Variants in ZNF169 observed in about 807,000 individuals in gnomAD.
ZNF169 encodes zinc finger protein 169.
Under a neutral mutation model 12.0 loss-of-function variants are expected in ZNF169, and 11 were observed. That is an observed-to-expected ratio of 0.92 (90% CI 0.58 to 1.52). ZNF169 has a LOEUF of 1.52. ZNF169 is among the 40% of genes most tolerant of loss of function. The pLI, the probability that ZNF169 is intolerant of heterozygous loss-of-function variation, is 0.00. For missense variants in ZNF169, 722 were observed against 744.0 expected, an observed-to-expected ratio of 0.97 and a Z score of 0.34; for synonymous variants, 302 against 286.5, an observed-to-expected ratio of 1.05 and a Z score of -0.55.
At chr9:94,299,530 G>GAGCAAA in intron 4 of ZNF169, 2 of 1,331,100 alleles carry the variant, frequency 1.5e-6, no homozygotes, top group Non-Finnish European at 1.9e-6. Flanking sequence ...GCTTGAGCTG[G>GAGCAAA]AGCAAAAGCA....
At chr9:94,290,234 A>G (rs1183024078) in intron 2 of ZNF169, among the ~76,000 whole-genome samples, 1 of 152,242 alleles carries the variant, frequency 6.6e-6, no homozygotes, top group African/African-American at 2.4e-5. Context: ...AAAAATCTGC[A>G]GCTAACATTC....
intron 4 of ZNF169, 197 bp from the exon 5 acceptor site, chr9:94,299,618 T>A (rs1323739869): frequency 5.1e-6 from 7 of 1,385,680 alleles, no homozygotes; most frequent in Admixed American, 3.2e-5. Flanking sequence ...CTGCCTGTGA[T>A]GCTTTTTTGA....
rs377199117 is a variant in ZNF169 at position 94,277,727 on chromosome 9, C to G, written c.-55-1031C>G. On this transcript the variant is annotated intron_variant, in intron 1 of 4. Transcript: ENST00000395395. ...CGGGCGGATCACGAGGTCAGGAGATCGAGACCATCCTGGCTAACACAGTGA... is the reference window on the plus strand; with the variant it reads ...CGGGCGGATCACGAGGTCAGGAGATGGAGACCATCCTGGCTAACACAGTGA... Among the ~76,000 whole-genome samples, 584 of 151,814 alleles carry G rather than the reference C, an allele frequency of 3.8e-3. 1 individual carries two copies. Among genetic ancestry groups the G allele is most frequent in the Non-Finnish European group, 6.3e-3 (427 of 67,880 alleles).
intron 1 of ZNF169, among the ~76,000 whole-genome samples, chr9:94,272,508 A>C (rs960460528): frequency 1.5e-4 from 23 of 152,098 alleles, no homozygotes; most frequent in African/African-American, 4.8e-4. Flanking sequence ...TAATTACTTT[A>C]GTATTCATAT....
chr9:94,296,338 T>C (rs1053999461), intron 4 of ZNF169, among the ~76,000 whole-genome samples: 1 of 152,240 alleles, frequency 6.6e-6, no homozygotes, highest in Non-Finnish European at 1.5e-5. Context: ...ATCTTAATAG[T>C]GCCTTTCAAA....
In ZNF169 at chr9:94,270,708, T is replaced by C. The variant is rs1413063743; in HGVS notation, c.-55-8050T>C. Reference sequence around the variant, plus strand: ...TATAAATATATAATTTATATAATTATATAATATATAATATTATATATTATA... The same window carrying C: ...TATAAATATATAATTTATATAATTACATAATATATAATATTATATATTATA... On this transcript the variant is annotated intron_variant, in intron 1 of 4. Coordinates refer to ENST00000395395, the MANE Select transcript of ZNF169 (RefSeq NM_194320.4). Among the ~76,000 whole-genome samples, 9 of 38,244 alleles carry C rather than the reference T, an allele frequency of 2.4e-4. 1 individual carries two copies. The South Asian group carries it at 0.01, about 43-fold the overall frequency. 25.1% of individuals were successfully genotyped at this position (38,244 alleles called of 152,430 possible).
At chr9:94,265,600 A>G (rs1176210289) in intron 1 of ZNF169, among the ~76,000 whole-genome samples, 2 of 151,870 alleles carry the variant, frequency 1.3e-5, no homozygotes, top group East Asian at 1.9e-4. Flanking sequence ...AAAAATTACA[A>G]AGTTTTCCAG....
intron 1 of ZNF169, among the ~76,000 whole-genome samples, chr9:94,264,941 G>T (rs1830264665): frequency 6.7e-6 from 1 of 149,630 alleles, no homozygotes; most frequent in South Asian, 2.1e-4. Flanking sequence ...TAGTAATTAA[G>T]CTACTGTGAC....
At chr9:94,288,504 A>G (rs1830762126) in intron 2 of ZNF169, 2 of 658,126 alleles carry the variant, frequency 3.0e-6, no homozygotes, top group South Asian at 2.9e-5. Flanking sequence ...TGGTGAAGAC[A>G]TCCCTGGCAG....
At position 94,290,760 on chromosome 9, in the gene ZNF169, T is replaced by G. The variant is rs561332346; in HGVS notation, c.34-1581T>G. Among the ~76,000 whole-genome samples, 5 of 152,288 alleles carry G rather than the reference T, an allele frequency of 3.3e-5. No homozygotes were observed. In the East Asian group the frequency reaches 9.6e-4, roughly 29 times the overall value. On this transcript the variant is annotated intron_variant, in intron 2 of 4. Transcript: ENST00000395395. The stretch of plus-strand genomic sequence containing the variant: ...CAAGTATCTGTTTGAGTCCCTACTT[T>G]CAATTTTTGGGGGTATATTCCTAGG...
At chr9:94,294,848 G>A (rs1267493116) in intron 4 of ZNF169, 1 of 152,092 alleles carries the variant, frequency 6.6e-6, no homozygotes, top group African/African-American at 2.4e-5. Context: ...TCTTTAACTG[G>A]AATTAATTTT....
At chr9:94,269,015 A>G (rs1200355350) in intron 1 of ZNF169, among the ~76,000 whole-genome samples, 18 of 151,788 alleles carry the variant, frequency 1.2e-4, no homozygotes, top group Admixed American at 1.2e-3. Flanking sequence ...ATATATATAC[A>G]CATCTTGGAT....
chr9:94,292,568 C>T (rs1272820725), intron 3 of ZNF169, 101 bp downstream of exon 3: 12 of 1,488,260 alleles, frequency 8.1e-6, no homozygotes, highest in African/African-American at 1.4e-5. Context: ...CAGTTTTTTC[C>T]CCTATTCCCC....
At chr9:94,289,899 A>C (rs1040550261) in intron 2 of ZNF169, among the ~76,000 whole-genome samples, 5 of 152,242 alleles carry the variant, frequency 3.3e-5, no homozygotes, top group African/African-American at 1.2e-4. Flanking sequence ...GAAAACAAAG[A>C]GGCAAAAAGC....
At chr9:94,285,152 A>G (rs988554499) in intron 2 of ZNF169, among the ~76,000 whole-genome samples, 3 of 152,232 alleles carry the variant, frequency 2.0e-5, no homozygotes, top group Non-Finnish European at 4.4e-5. Context: ...GGCAGTGTAT[A>G]CAAATGATAC....
chr9:94,298,784 C>T (rs1019949430), intron 4 of ZNF169, among the ~76,000 whole-genome samples: 2 of 150,142 alleles, frequency 1.3e-5, no homozygotes, highest in Non-Finnish European at 3.0e-5. Context: ...GTTACGGTAT[C>T]AACTTACGGA....
intron 2 of ZNF169, among the ~76,000 whole-genome samples, chr9:94,288,716 G>T (rs1358450024): frequency 6.6e-6 from 1 of 152,114 alleles, no homozygotes; most frequent in Non-Finnish European, 1.5e-5. Context: ...CTGCCACAAT[G>T]TGAAGATTTG....
At chr9:94,279,572 G>T (rs531534986) in intron 2 of ZNF169, among the ~76,000 whole-genome samples, 3 of 148,250 alleles carry the variant, frequency 2.0e-5, no homozygotes, top group Non-Finnish European at 4.5e-5. Flanking sequence ...CCCGGGAGGC[G>T]GAGGTTGCAG....
intron 1 of ZNF169, among the ~76,000 whole-genome samples, chr9:94,259,760 G>C (rs541039849): frequency 3.3e-4 from 50 of 152,274 alleles, no homozygotes; most frequent in African/African-American, 1.1e-3. Flanking sequence ...CCACCATCGC[G>C]CCTCGGAGGT....
Sources: gnomAD v4.1 joint callset for allele counts (sites outside exome capture counted in the v4.1 genomes callset) on GRCh38, gnomAD v4.1.1 for gene constraint, MANE v1.5 for transcripts, NCBI Gene and HGNC (gene_info 2026-07-23, HGNC 2026-07-21) for gene names.